AP1G1: variants seen among roughly 807,000 people sequenced by gnomAD.
AP1G1 encodes AP-1 complex subunit gamma-1.
A neutral mutation model predicts 108.3 loss-of-function variants in AP1G1; 7 were observed. That is an observed-to-expected ratio of 0.06 (90% CI 0.04 to 0.12). The LOEUF (loss-of-function observed/expected upper bound fraction) is 0.12. AP1G1 is among the 10% of genes least tolerant of loss of function. AP1G1 has a pLI of 1.00. For synonymous variants in AP1G1, 379 were observed against 353.5 expected, an observed-to-expected ratio of 1.07 and a Z score of -0.81; for missense variants, 756 against 1,010.7, an observed-to-expected ratio of 0.75 and a Z score of 3.42.
intron 10 of AP1G1, among the ~76,000 whole-genome samples, chr16:71,759,621 G>T (rs567073328): frequency 5.3e-4 from 81 of 151,436 alleles, no homozygotes; most frequent in Admixed American, 4.9e-3. Context: ...CTAGCTGGGC[G>T]TGGTGGCAGG....
At chr16:71,768,775 C>G (rs1280303101) in intron 6 of AP1G1, among the ~76,000 whole-genome samples, 1 of 150,104 alleles carries the variant, frequency 6.7e-6, no homozygotes, top group Non-Finnish European at 1.5e-5. Flanking sequence ...ATTAGCCAGG[C>G]GTGGTGCCAG....
intron 1 of AP1G1, among the ~76,000 whole-genome samples, chr16:71,800,957 T>G (rs1349381109): frequency 1.3e-5 from 2 of 151,838 alleles, no homozygotes; most frequent in Admixed American, 1.3e-4. Context: ...ATCACGCCAT[T>G]GCACTCCAGC....
intron 2 of AP1G1, among the ~76,000 whole-genome samples, chr16:71,780,332 A>T (rs563192986): frequency 2.7e-4 from 41 of 151,964 alleles, no homozygotes; most frequent in Admixed American, 5.2e-4. Context: ...TTGTTTAAAA[A>T]TTTTTTTAAA....
chr16:71,768,978 C>CAAAAA lies in AP1G1; in HGVS notation c.642+640_642+644dup, dbSNP rs59451625. Among the ~76,000 whole-genome samples, 41 of 65,014 alleles carry CAAAAA rather than the reference C, an allele frequency of 6.3e-4. 2 individuals carry two copies. The highest frequency in any genetic ancestry group is 7.9e-4 in the Non-Finnish European group (31 of 39,136). The allele number at this position is 65,014 out of a possible 152,430, so 42.7% of individuals were successfully genotyped here. ...AATTCCTGCCTTTAAAAAAAAAATACAAAAAAAAAAAAAAAAAAAACAGGC... is the reference window on the plus strand; with the variant it reads ...AATTCCTGCCTTTAAAAAAAAAATACAAAAAAAAAAAAAAAAAAAAAAAAACAGGC... On this transcript the variant is annotated intron_variant, in intron 6 of 22. Transcript: ENST00000299980.
intron 19 of AP1G1, among the ~76,000 whole-genome samples, chr16:71,740,669 A>G (rs2045608222): frequency 1.3e-5 from 2 of 152,232 alleles, no homozygotes; most frequent in Admixed American, 1.3e-4. Flanking sequence ...AAAAGAACAC[A>G]TTCAGTTGGA....
At chr16:71,786,658 A>T (rs1281585316) in intron 2 of AP1G1, among the ~76,000 whole-genome samples, 1 of 152,056 alleles carries the variant, frequency 6.6e-6, no homozygotes, top group Non-Finnish European at 1.5e-5. Context: ...AGGGGGTTCC[A>T]CCATGTTGGC....
In AP1G1 at chr16:71,788,412, T is replaced by G. The variant is rs1019047652; in HGVS notation, c.201+867A>C. ...CAATATAAACATGCAAAGAAGAAAG[T>G]ACTTATCATTGAGACTATCATTCTC... On this transcript the variant is annotated intron_variant, in intron 2 of 22. Transcript: ENST00000299980. Among the ~76,000 whole-genome samples, 7 of 152,240 alleles carry G rather than the reference T, an allele frequency of 4.6e-5. No homozygotes were observed. In the East Asian group the frequency reaches 1.4e-3, roughly 29 times the overall value.
chr16:71,804,644 G>C (rs572861385), intron 1 of AP1G1, among the ~76,000 whole-genome samples: 1 of 150,768 alleles, frequency 6.6e-6, no homozygotes, highest in African/African-American at 2.4e-5. Context: ...CTGACCTCAA[G>C]TGATCCGCCT....
At chr16:71,783,487 T>C (rs1430215024) in intron 2 of AP1G1, among the ~76,000 whole-genome samples, 2 of 152,186 alleles carry the variant, frequency 1.3e-5, no homozygotes, top group African/African-American at 2.4e-5. Context: ...AACCTACAAA[T>C]ATATTTCTCC....
At position 71,749,936 on chromosome 16, in the gene AP1G1, A is replaced by C. The variant is rs146740967; in HGVS notation, c.1455T>G (p.Asp485Glu). The change falls in exon 15 of 23, where the codon GAT becomes GAG. Residue 485 changes from aspartate (D) to glutamate (E), a missense_variant. Physicochemically the swap from Asp to Glu is conservative, Grantham distance 45 (BLOSUM62 2). This residue lies in a region of AP1G1 where 357 missense variants were observed against 366.5 expected (regional missense o/e 0.97). Transcript: ENST00000299980. Reference protein sequence around the residue: ...VAAWCIGEYGDLLVSGQCEEE... With the variant: ...VAAWCIGEYGELLVSGQCEEE... ...CTTCACACTGGCCAGATACAAGAAG[A>C]TCACCATATTCACCTATACACCATG... is the stretch of plus-strand genomic sequence containing the variant. 3.1e-6 allele frequency: 5 copies of C among 1,613,372 alleles called. No individual in the cohort carries two copies. The African/African-American group carries it at 6.7e-5, about 22-fold the overall frequency.
intron 1 of AP1G1, among the ~76,000 whole-genome samples, chr16:71,795,906 C>T (rs546228626): frequency 6.6e-6 from 1 of 152,168 alleles, no homozygotes; most frequent in African/African-American, 2.4e-5. Context: ...CGGAAAAGAC[C>T]AGAGTTAGAA....
chr16:71,753,586 TGA>T (rs1219618597), intron 13 of AP1G1: 7 of 483,200 alleles, frequency 1.4e-5, no homozygotes, highest in Non-Finnish European at 2.3e-5. Flanking sequence ...TTATCTCCTC[TGA>T]GAGACCTCCC....
chr16:71,745,443 C>T (rs1302327181), intron 18 of AP1G1, 30 bp downstream of exon 18: 3 of 1,613,712 alleles, frequency 1.9e-6, no homozygotes, highest in Admixed American at 3.3e-5. Context: ...TCGTAAGAAG[C>T]CCCAGATGAG....
chr16:71,764,744 A>G lies in AP1G1; in HGVS notation c.739-18T>C. 2.0e-6 allele frequency: 3 copies of G among 1,534,238 alleles called. No individual in the cohort carries two copies. In the South Asian group the frequency reaches 3.5e-5, roughly 18 times the overall value. On this transcript the variant is annotated intron_variant, in intron 7 of 22. Coordinates refer to ENST00000299980, the MANE Select transcript of AP1G1 (RefSeq NM_001128.6). ...ATTCGTACCTAACGTGCAAAAGATG[A>G]GAGGTGTCAACAAATTATGTCTCAC...
chr16:71,762,458 G>T (rs563270529), intron 9 of AP1G1, among the ~76,000 whole-genome samples: 1 of 152,216 alleles, frequency 6.6e-6, no homozygotes, highest in African/African-American at 2.4e-5. Context: ...GTTTCCAGGG[G>T]AACAACCATG....
At chr16:71,749,862 TC>T (rs758913758) in intron 15 of AP1G1, 31 bp downstream of exon 15, 10 of 1,532,474 alleles carry the variant, frequency 6.5e-6, no homozygotes, top group Admixed American at 1.7e-5. Context: ...ACCACTATTT[TC>T]CCCCACTTAA....
chr16:71,789,550 C>T, intron 1 of AP1G1, 68 bp from the exon 2 acceptor site: 1 of 1,469,014 alleles, frequency 6.8e-7, no homozygotes. Flanking sequence ...CACACAACTT[C>T]CCATTTAAAT....
At chr16:71,733,855 CTT>C (rs2045500144) in intron 22 of AP1G1, among the ~76,000 whole-genome samples, 1 of 152,294 alleles carries the variant, frequency 6.6e-6, no homozygotes, top group Admixed American at 6.5e-5. Flanking sequence ...TAAAAAATGA[CTT>C]AACTCACAGG....
At position 71,733,126 on chromosome 16, in the gene AP1G1, T is replaced by G. The variant is rs764166650; in HGVS notation, c.2401A>C (p.Asn801His). Residue 801 changes from asparagine (N) to histidine (H), a missense_variant, in exon 23 of 23, where the codon AAT becomes CAT. Coordinates refer to ENST00000299980, the MANE Select transcript of AP1G1 (RefSeq NM_001128.6). ...TCTTGCATTGCTGAGCCCTTGTGAT[T>G]ATATGTAAGCTTGATCCGCATTCGC... ...QLRMRIKLTY[N>H]HKGSAMQDLA... 3.7e-5 allele frequency: 59 copies of G among 1,614,032 alleles called. No homozygotes were observed. The highest frequency in any genetic ancestry group is 4.8e-5 in the Non-Finnish European group (57 of 1,179,994).
Sources: gnomAD v4.1 joint callset for allele counts (sites outside exome capture counted in the v4.1 genomes callset) on GRCh38, gnomAD v4.1.1 for gene constraint, gnomAD v4.1.1 regional missense constraint, MANE v1.5 for transcripts, NCBI Gene and HGNC (gene_info 2026-07-23, HGNC 2026-07-21) for gene names.